TAFA1: variants seen among roughly 807,000 people sequenced by gnomAD.
TAFA1 encodes chemokine-like protein TAFA-1.
Under a neutral mutation model 18.5 loss-of-function variants are expected in TAFA1, and 4 were observed. The ratio of observed to expected loss-of-function variants is 0.22; its 90% CI spans 0.11 to 0.49. The LOEUF (loss-of-function observed/expected upper bound fraction) is 0.49. Among genes scored for constraint, TAFA1 ranks in the 20% least tolerant of loss-of-function variants. The pLI is 0.98. For missense variants in TAFA1, 147 were observed against 169.0 expected (o/e 0.87, Z 0.72); for synonymous variants, 56 against 55.2 (o/e 1.01, Z -0.06).
At chr3:68,458,672 G>C (rs2071712291) in intron 3 of TAFA1, among the ~76,000 whole-genome samples, 1 of 152,080 alleles carries the variant, frequency 6.6e-6, no homozygotes, top group Admixed American at 6.5e-5. Context: ...GGCAACTACT[G>C]TTATGACATT....
chr3:68,089,028 G>T (rs2065002879), intron 2 of TAFA1, among the ~76,000 whole-genome samples: 1 of 152,140 alleles, frequency 6.6e-6, no homozygotes, highest in South Asian at 2.1e-4. Context: ...TCACTGAGTG[G>T]AGTGTCCTGA....
chr3:68,491,777 G>A (rs942629369), intron 3 of TAFA1, among the ~76,000 whole-genome samples: 10 of 152,090 alleles, frequency 6.6e-5, no homozygotes, highest in Non-Finnish European at 1.2e-4. Flanking sequence ...GCTACCCAAC[G>A]TCATGTTTAT....
At chr3:68,295,645 C>T (rs1328822649) in intron 2 of TAFA1, among the ~76,000 whole-genome samples, 1 of 152,136 alleles carries the variant, frequency 6.6e-6, no homozygotes, top group African/African-American at 2.4e-5. Context: ...CTTTCTCTGT[C>T]ACCCAGGCTG....
chr3:68,335,134 C>T lies in TAFA1; in HGVS notation c.119-82146C>T, dbSNP rs182194110. 2.5e-3 allele frequency among the ~76,000 whole-genome samples: 386 copies of T among 152,222 alleles called. 22 individuals are homozygous for T. The South Asian group carries it at 0.07, about 27-fold the overall frequency. On this transcript the variant is annotated intron_variant, in intron 2 of 4. Transcript: ENST00000478136. ...TTTGCATTATGGCTTTTGTTACATG[C>T]CTTTTATTTATAAGAGCGTTTGGTA... is the stretch of plus-strand genomic sequence containing the variant.
At chr3:68,520,954 T>G (rs143485587) in intron 3 of TAFA1, among the ~76,000 whole-genome samples, 169 of 152,354 alleles carry the variant, frequency 1.1e-3, no homozygotes, top group Non-Finnish European at 2.4e-4. Context: ...ACCTTCAGTG[T>G]AGCATAGGAT....
At chr3:68,420,528 C>A (rs932910978) in intron 3 of TAFA1, among the ~76,000 whole-genome samples, 14 of 152,122 alleles carry the variant, frequency 9.2e-5, no homozygotes, top group Non-Finnish European at 4.4e-5. Flanking sequence ...CCAGGTCAAA[C>A]TGTTTTTTAA....
rs182602302 is a variant in TAFA1, at chr3:68,335,644, C to T, written c.119-81636C>T. On this transcript the variant is annotated intron_variant, in intron 2 of 4. Coordinates refer to ENST00000478136, the MANE Select transcript of TAFA1 (RefSeq NM_213609.4). Reference sequence around the variant, plus strand: ...TAAGGCATGTTTTTATACACATATACGTAATGGTATCAGACACATATAATC... The same window carrying T: ...TAAGGCATGTTTTTATACACATATATGTAATGGTATCAGACACATATAATC... 9.9e-5 allele frequency among the ~76,000 whole-genome samples: 15 copies of T among 152,056 alleles called. 1 individual carries two copies. Among genetic ancestry groups the T allele is most frequent in the South Asian group, 6.2e-4 (3 of 4,806 alleles).
intron 2 of TAFA1, among the ~76,000 whole-genome samples, chr3:68,250,501 TC>T (rs2067173415): frequency 6.6e-6 from 1 of 152,128 alleles, no homozygotes; most frequent in African/African-American, 2.4e-5. Flanking sequence ...TATTTTGTCC[TC>T]ACAGCGTCCC....
chr3:68,145,079 G>A (rs1397796659), intron 2 of TAFA1: 15 of 1,480,526 alleles, frequency 1.0e-5, no homozygotes, highest in African/African-American at 1.4e-5. Context: ...CCAGGAGCTC[G>A]AGGCCCCTGG....
chr3:68,015,812 C>T (rs1704558984), intron 2 of TAFA1, among the ~76,000 whole-genome samples: 1 of 152,032 alleles, frequency 6.6e-6, no homozygotes, highest in Non-Finnish European at 1.5e-5. Flanking sequence ...TTCATTTTGT[C>T]TATGAATAAA....
In TAFA1 at chr3:68,544,793, G is replaced by A. The variant is rs987361050; in HGVS notation, c.*290G>A. ...TCTAATTTGAATCTATAGTTACTTT[G>A]TACCATTTGAAATATATGTATATAT... is the stretch of plus-strand genomic sequence containing the variant. On this transcript the variant is annotated 3_prime_UTR_variant, in exon 5 of 5. Transcript: ENST00000478136. 1.4e-5 allele frequency: 3 copies of A among 221,970 alleles called. No homozygotes were observed. Among genetic ancestry groups the A allele is most frequent in the Admixed American group, 5.5e-5 (1 of 18,290 alleles). The allele number at this position is 221,970 out of a possible 1,614,324, so 13.8% of individuals were successfully genotyped here.
intron 3 of TAFA1, among the ~76,000 whole-genome samples, chr3:68,533,273 A>C (rs2073217731): frequency 6.6e-6 from 1 of 152,108 alleles, no homozygotes; most frequent in East Asian, 1.9e-4. Flanking sequence ...CAGAAGGTGA[A>C]AAGCACATCT....
At chr3:68,244,699 T>C (rs2067043677) in intron 2 of TAFA1, among the ~76,000 whole-genome samples, 1 of 152,164 alleles carries the variant, frequency 6.6e-6, no homozygotes, top group African/African-American at 2.4e-5. Flanking sequence ...TAAAGGTACA[T>C]AGTCCTTAAA....
intron 3 of TAFA1, among the ~76,000 whole-genome samples, chr3:68,487,998 CA>C (rs2072379417): frequency 6.6e-6 from 1 of 152,038 alleles, no homozygotes. Context: ...CAGATGCCCC[CA>C]CATAGCAATA....
chr3:68,435,052 C>T (rs1317647676), intron 3 of TAFA1, among the ~76,000 whole-genome samples: 1 of 152,076 alleles, frequency 6.6e-6, no homozygotes, highest in Non-Finnish European at 1.5e-5. Flanking sequence ...GTGATGTGTG[C>T]TCTGATGGAG....
At chr3:68,319,748 T>C (rs528872405) in intron 2 of TAFA1, among the ~76,000 whole-genome samples, 1 of 152,360 alleles carries the variant, frequency 6.6e-6, no homozygotes, top group African/African-American at 2.4e-5. Flanking sequence ...TAAATGTTTT[T>C]CTTTAAAGTT....
At chr3:68,479,844 A>C (rs1216556481) in intron 3 of TAFA1, among the ~76,000 whole-genome samples, 1 of 152,012 alleles carries the variant, frequency 6.6e-6, no homozygotes, top group East Asian at 1.9e-4. Flanking sequence ...ATATACATAC[A>C]TGCACACATA....
chr3:68,520,695 A>G (rs1208915196), intron 3 of TAFA1, among the ~76,000 whole-genome samples: 1 of 152,246 alleles, frequency 6.6e-6, no homozygotes, highest in Non-Finnish European at 1.5e-5. Flanking sequence ...TAACTTCTGC[A>G]TCTGGCATGC....
At chr3:68,516,540 T>C (rs2072923503) in intron 3 of TAFA1, among the ~76,000 whole-genome samples, 1 of 152,226 alleles carries the variant, frequency 6.6e-6, no homozygotes, top group Admixed American at 6.5e-5. Flanking sequence ...AGTTCTTGAA[T>C]TGGATCTAAA....
Sources: gnomAD v4.1 joint callset for allele counts (sites outside exome capture counted in the v4.1 genomes callset) on GRCh38, gnomAD v4.1.1 for gene constraint, MANE v1.5 for transcripts, NCBI Gene and HGNC (gene_info 2026-07-23, HGNC 2026-07-21) for gene names.